The following ALOX12 variants were observed in gnomAD, a reference collection of about 807,000 sequenced individuals.
ALOX12 encodes the protein polyunsaturated fatty acid lipoxygenase ALOX12.
A neutral mutation model predicts 85.5 loss-of-function variants in ALOX12; 62 were observed. That is an observed-to-expected ratio of 0.73 (90% CI 0.59 to 0.90). ALOX12 has a LOEUF of 0.90. ALOX12 is among the 40% of genes least tolerant of loss of function. ALOX12 has a pLI of 0.00. For synonymous variants in ALOX12, 299 were observed against 332.7 expected (o/e 0.90, Z 1.10); for missense variants, 751 against 856.5 (o/e 0.88, Z 1.54).
At chr17:7,006,787 C>T (rs1054942044) in intron 11 of ALOX12, among the ~76,000 whole-genome samples, 180 bp downstream of exon 11, 1 of 152,022 alleles carries the variant, frequency 6.6e-6, no homozygotes, top group Non-Finnish European at 1.5e-5. Context: ...TCTAGAGACC[C>T]AAGGACTGTC....
Position 7,000,260 on chromosome 17 carries a change from A to G in ALOX12, c.808-76A>G. The stretch of plus-strand genomic sequence containing the variant: ...GGAGAATGGCAAGAAGCTAGACTAA[A>G]TCTCTTGCCCTTTGCCCCGGCCCCC... On this transcript the variant is annotated intron_variant, in intron 6 of 13. Transcript: ENST00000251535. This position sits in a 1 kb window ranked among gnomAD's most constrained non-coding sequence, Gnocchi z 4.6. 1 of 1,534,386 alleles carries G rather than the reference A, an allele frequency of 6.5e-7. No individual in the cohort carries two copies. Among genetic ancestry groups the G allele is most frequent in the Admixed American group, 1.7e-5 (1 of 57,314 alleles).
In ALOX12 at chr17:7,006,019, C is replaced by T; in HGVS notation, c.1410C>T (p.Ile470=). Residue 470 remains isoleucine (I), a synonymous_variant, in exon 10 of 14, where the codon ATC becomes ATT. Coordinates refer to ENST00000251535, the MANE Select transcript of ALOX12 (RefSeq NM_000697.3). ...YAHDALRLWE[I]IARYVEGIVH... ...ATGATGCTTTACGGCTCTGGGAGATCATTGCCAGGTGAGTAAGGAGGAGCT... is the reference window on the plus strand; with the variant it reads ...ATGATGCTTTACGGCTCTGGGAGATTATTGCCAGGTGAGTAAGGAGGAGCT... 3 of 1,494,172 alleles carry T rather than the reference C, an allele frequency of 2.0e-6. No homozygotes were observed. Among genetic ancestry groups the T allele is most frequent in the South Asian group, 1.2e-5 (1 of 85,226 alleles). The allele number at this position is 1,494,172 out of a possible 1,614,324, so 92.6% of individuals were successfully genotyped here.
chr17:7,010,038 C>T lies in ALOX12; in HGVS notation c.1724C>T (p.Ala575Val), dbSNP rs778949075. 5.6e-6 allele frequency: 9 copies of T among 1,614,198 alleles called. No homozygotes were observed. In the Admixed American group the frequency reaches 1.5e-4, roughly 27 times the overall value. Residue 575 changes from alanine (A) to valine (V), a missense_variant, in exon 13 of 14, where the codon GCC (alanine) becomes GTC (valine). Ala to Val is a moderately conservative substitution (Grantham distance 64, BLOSUM62 0). Coordinates refer to ENST00000251535, the MANE Select transcript of ALOX12 (RefSeq NM_000697.3). ...PPTTKEDVTM[A>V]TVMGSLPDVR... ...ACCACCAAGGAAGATGTGACGATGGCCACAGTGATGGGGTCACTACCTGAT... is the reference window on the plus strand; with the variant it reads ...ACCACCAAGGAAGATGTGACGATGGTCACAGTGATGGGGTCACTACCTGAT...
At chr17:6,997,217 T>TCTCTTAGCCTGTGTA in intron 2 of ALOX12, 190 bp downstream of exon 2, 2 of 878,694 alleles carry the variant, frequency 2.3e-6, no homozygotes, top group Non-Finnish European at 2.7e-6. Context: ...TTACACAGGC[T>TCTCTTAGCCTGTGTA]AAGAGAGGCT....
At position 6,996,927 on chromosome 17, in the gene ALOX12, C is replaced by A; in HGVS notation, c.237C>A (p.Asp79Glu). The A allele has an allele frequency of 6.2e-7, 1 of 1,610,724 alleles. No homozygotes were observed. The highest frequency in any genetic ancestry group is 1.7e-4 in the Middle Eastern group (1 of 6,056). ...TGGTGGACGACGCGTGGTTCTGCGA[C>A]CGCATCACGGTGCAGGGCCCTGGAG... ...HWLVDDAWFC[D>E]RITVQGPGAC... is the part of the protein sequence containing the mutation. Residue 79 changes from aspartate to glutamate, a missense_variant, in exon 2 of 14, where the codon GAC becomes GAA. Transcript: ENST00000251535.
In ALOX12 at chr17:6,996,077, A is replaced by G; in HGVS notation, c.-41A>G. The G allele has an allele frequency of 8.1e-7, 1 of 1,241,284 alleles. No individual in the cohort carries two copies. The highest frequency in any genetic ancestry group is 1.0e-6 in the Non-Finnish European group (1 of 987,090). The allele number at this position is 1,241,284 out of a possible 1,614,324, so 76.9% of individuals were successfully genotyped here. Reference sequence around the variant, plus strand: ...AGCCCTGGGCGGTCCCGGGAATCGCACAGGACCCGGCTCCCCTCGCCTAAG... The same window carrying G: ...AGCCCTGGGCGGTCCCGGGAATCGCGCAGGACCCGGCTCCCCTCGCCTAAG... On this transcript the variant is annotated 5_prime_UTR_variant, in exon 1 of 14. Transcript: ENST00000251535.
Position 7,009,759 on chromosome 17 carries a change from C to T in ALOX12, c.1553C>T (p.Ser518Phe). 1 of 1,614,198 alleles carries T rather than the reference C, an allele frequency of 6.2e-7. No homozygotes were observed. The highest frequency in any genetic ancestry group is 8.5e-7 in the Non-Finnish European group (1 of 1,180,002). Residue 518 changes from serine to phenylalanine, a missense_variant, in exon 12 of 14, where the codon TCC becomes TTC. Ser to Phe is a radical substitution (Grantham distance 155). Transcript: ENST00000251535. Reference protein sequence around the residue: ...CQAQDRGFPVSFQSQSQLCHF... With the variant: ...CQAQDRGFPVFFQSQSQLCHF... ...CTTTCCTGCCCAGGTTTCCCTGTCT[C>T]CTTCCAGTCCCAGAGTCAACTCTGC...
Position 6,999,314 on chromosome 17 carries a change from C to T in ALOX12, c.655C>T (p.Arg219Cys). ...GQKSALAEKV[R>C]QCWQDDELFS... is the part of the protein sequence containing the mutation. ...TTCACCGCCCACCAAAGAGAAGGTT[C>T]GCCAGTGCTGGCAGGATGATGAGTT... Residue 219 changes from arginine to cysteine, a missense_variant, in exon 6 of 14, where the codon CGC becomes TGC. Physicochemically the swap from Arg to Cys is radical, Grantham distance 180. Transcript: ENST00000251535. 4 of 1,614,182 alleles carry T rather than the reference C, an allele frequency of 2.5e-6. No homozygotes were observed. Among genetic ancestry groups the T allele is most frequent in the African/African-American group, 1.3e-5 (1 of 75,046 alleles).
chr17:7,006,844 G>A (rs531841308), intron 11 of ALOX12, among the ~76,000 whole-genome samples: 1 of 152,154 alleles, frequency 6.6e-6, no homozygotes, highest in South Asian at 2.1e-4. Context: ...CTACACCCCA[G>A]TCACAGATGC....
At position 6,999,371 on chromosome 17, in the gene ALOX12, C is replaced by A. The variant is rs779092848; in HGVS notation, c.712C>A (p.Pro238Thr). The A allele has an allele frequency of 6.2e-7, 1 of 1,614,232 alleles. No individual in the cohort carries two copies. The highest frequency in any genetic ancestry group is 8.5e-7 in the Non-Finnish European group (1 of 1,180,042). ...CTACCAGTTCCTCAATGGTGCCAAC[C>A]CCATGCTGTTGAGACGCTCGACCTC... ...FSYQFLNGAN[P>T]MLLRRSTSLP... is the part of the protein sequence containing the mutation. Residue 238 changes from proline (P) to threonine (T), a missense_variant, in exon 6 of 14, where the codon CCC becomes ACC. Coordinates refer to ENST00000251535, the MANE Select transcript of ALOX12 (RefSeq NM_000697.3).
At chr17:7,008,510 C>T (rs961728213) in intron 11 of ALOX12, among the ~76,000 whole-genome samples, 2 of 152,158 alleles carry the variant, frequency 1.3e-5, no homozygotes, top group Non-Finnish European at 2.9e-5. Flanking sequence ...CTTTAGGAGG[C>T]CAAGGTGGGC....
intron 2 of ALOX12, 127 bp from the exon 3 acceptor site, chr17:6,998,382 G>T (rs996409028): frequency 5.0e-5 from 33 of 666,454 alleles, no homozygotes; most frequent in Non-Finnish European, 8.0e-5. Flanking sequence ...ATGAGGCAAA[G>T]CCAGAGATAA....
intron 13 of ALOX12, 52 bp from the exon 14 acceptor site, chr17:7,010,192 G>A: frequency 6.3e-7 from 1 of 1,599,618 alleles, no homozygotes; most frequent in African/African-American, 1.3e-5. Flanking sequence ...GAGGGGCTGG[G>A]CTCTAGGTGC....
At position 7,000,521 on chromosome 17, in the gene ALOX12, A is replaced by G. The variant is rs1908660569; in HGVS notation, c.951+42A>G. 5 of 1,602,424 alleles carry G rather than the reference A, an allele frequency of 3.1e-6. No individual in the cohort carries two copies. Among genetic ancestry groups the G allele is most frequent in the Non-Finnish European group, 4.3e-6 (5 of 1,172,698 alleles). ...TCTCCCACAACGTTGCACTCTGTTC[A>G]CCTCAACCTCTGCTCCCAGGGACCC... On this transcript the variant is annotated intron_variant, in intron 7 of 13. Coordinates refer to ENST00000251535, the MANE Select transcript of ALOX12 (RefSeq NM_000697.3). The surrounding 1 kb of genome is among the most constrained non-coding windows in gnomAD (Gnocchi z 4.6).
intron 11 of ALOX12, among the ~76,000 whole-genome samples, chr17:7,006,894 C>T (rs1394445960): frequency 6.6e-6 from 1 of 152,138 alleles, no homozygotes; most frequent in East Asian, 1.9e-4. Flanking sequence ...AGGCCATATC[C>T]ACAGCTGGGA....
rs1278121661 is a variant in ALOX12 at position 7,000,167 on chromosome 17, T to G, written c.808-169T>G. On this transcript the variant is annotated intron_variant, in intron 6 of 13. Transcript: ENST00000251535. This position sits in a 1 kb window ranked among gnomAD's most constrained non-coding sequence, Gnocchi z 4.6. ...CATCTACCCTCACCAGACTGTTTCT[T>G]CACTTTAAGATGAGAGGAACTGGAC... Among the ~76,000 whole-genome samples the G allele has an allele frequency of 6.6e-6, 1 of 152,140 alleles. No homozygotes were observed. The highest frequency in any genetic ancestry group is 1.9e-4 in the East Asian group (1 of 5,198).
rs546166792 is a variant in ALOX12, at chr17:6,999,581, G to T, written c.807+115G>T. 1.9e-5 allele frequency: 20 copies of T among 1,054,638 alleles called. No individual in the cohort carries two copies. In the East Asian group the frequency reaches 4.8e-4, roughly 25 times the overall value. 65.3% of individuals were successfully genotyped at this position (1,054,638 alleles called of 1,614,324 possible). Reference sequence around the variant, plus strand: ...CTGCAGTACTGCATTGCCCCTTGGTGCAGTCCTGTGCTGGAAAAATACAGA... The same window carrying T: ...CTGCAGTACTGCATTGCCCCTTGGTTCAGTCCTGTGCTGGAAAAATACAGA... On this transcript the variant is annotated intron_variant, in intron 6 of 13. Coordinates refer to ENST00000251535, the MANE Select transcript of ALOX12 (RefSeq NM_000697.3).
chr17:6,998,520 G>A lies in ALOX12; in HGVS notation c.349G>A (p.Gly117Arg). 6.2e-7 allele frequency: 1 copy of A among 1,613,590 alleles called. No homozygotes were observed. The highest frequency in any genetic ancestry group is 8.5e-7 in the Non-Finnish European group (1 of 1,179,680). The change falls in exon 3 of 14, where the codon GGA (glycine) becomes AGA (arginine). Residue 117 changes from glycine to arginine, a missense_variant. Coordinates refer to ENST00000251535, the MANE Select transcript of ALOX12 (RefSeq NM_000697.3). ...SLPEGTARLP[G>R]DNALDMFQKH... ...TGATGTCTCCCCAGCCCGCCTGCCAGGAGACAATGCTTTGGACATGTTCCA... is the reference window on the plus strand; with the variant it reads ...TGATGTCTCCCCAGCCCGCCTGCCAAGAGACAATGCTTTGGACATGTTCCA...
chr17:7,003,181 TCAC>T (rs976839657), intron 8 of ALOX12, among the ~76,000 whole-genome samples: 1 of 152,218 alleles, frequency 6.6e-6, no homozygotes, highest in African/African-American at 2.4e-5. Flanking sequence ...GTGTCTCCAC[TCAC>T]CACAGTAATG....
Sources: allele counts gnomAD v4.1 joint callset (sites outside exome capture counted in the v4.1 genomes callset), GRCh38; gene constraint gnomAD v4.1.1; non-coding constraint Gnocchi (gnomAD v3.1); transcripts MANE v1.5; gene names NCBI Gene and HGNC (gene_info 2026-07-23, HGNC 2026-07-21).